PRRX2: variants seen among roughly 807,000 people sequenced by gnomAD.
PRRX2 encodes the protein paired related homeobox 2, also known as paired mesoderm homeobox protein 2.
Under a neutral mutation model 18.0 loss-of-function variants are expected in PRRX2, and 11 were observed. The ratio of observed to expected loss-of-function variants is 0.61; its 90% CI spans 0.39 to 1.01. PRRX2 has a LOEUF of 1.01. Among genes scored for constraint, PRRX2 ranks in the 50% least tolerant of loss-of-function variants. The pLI is 0.01. For synonymous variants in PRRX2, 177 were observed against 154.8 expected, an observed-to-expected ratio of 1.14 and a Z score of -1.06; for missense variants, 387 against 351.0, an observed-to-expected ratio of 1.10 and a Z score of -0.82.
intron 1 of PRRX2, among the ~76,000 whole-genome samples, chr9:129,677,423 C>T (rs867918662): frequency 6.6e-6 from 1 of 152,238 alleles, no homozygotes; most frequent in East Asian, 1.9e-4. Flanking sequence ...CAAGGAGCCG[C>T]GCGGGGTTCT....
rs1395619905 is a variant in PRRX2 at position 129,695,482 on chromosome 9, T to A, written c.260-23749T>A. ...GACCAATGTGCTTCTTTGGTTTGGT[T>A]TTTATACACCCCACAGCCTTGTTGT... On this transcript the variant is annotated intron_variant, in intron 1 of 3. Coordinates refer to ENST00000372469, the MANE Select transcript of PRRX2 (RefSeq NM_016307.4). The surrounding 1 kb of genome is among the most constrained non-coding windows in gnomAD (Gnocchi z 4.8). Among the ~76,000 whole-genome samples the A allele has an allele frequency of 2.6e-5, 4 of 152,142 alleles. No individual in the cohort carries two copies. Among genetic ancestry groups the A allele is most frequent in the Non-Finnish European group, 5.9e-5 (4 of 68,028 alleles).
chr9:129,686,654 G>A (rs3002459), intron 1 of PRRX2, among the ~76,000 whole-genome samples: 2 of 152,158 alleles, frequency 1.3e-5, no homozygotes, highest in African/African-American at 4.8e-5. Context: ...TGGGATTACA[G>A]GCTACAGCCA....
chr9:129,669,303 G>A (rs995652092), intron 1 of PRRX2, among the ~76,000 whole-genome samples: 4 of 152,222 alleles, frequency 2.6e-5, no homozygotes, highest in East Asian at 1.9e-4. Flanking sequence ...AACCAGGGTC[G>A]CGGGTTCCTT....
chr9:129,705,172 C>T (rs560421895), intron 1 of PRRX2, among the ~76,000 whole-genome samples: 1 of 144,882 alleles, frequency 6.9e-6, no homozygotes, highest in African/African-American at 2.6e-5. Context: ...CAGGTGCCCC[C>T]CTCTCTAGAG....
Position 129,675,840 on chromosome 9 carries a change from C to G in PRRX2, c.259+9714C>G, listed in dbSNP as rs1026468178. ...CGCAGCCTCTCTCGCCGCCAGAGCT[C>G]TGCGCGGGCCTCCCGTATAAAACCC... On this transcript the variant is annotated intron_variant, in intron 1 of 3. Transcript: ENST00000372469. The surrounding 1 kb of genome is among the most constrained non-coding windows in gnomAD (Gnocchi z 4.4). Among the ~76,000 whole-genome samples, 1 of 152,240 alleles carries G rather than the reference C, an allele frequency of 6.6e-6. No individual in the cohort carries two copies. The highest frequency in any genetic ancestry group is 2.4e-5 in the African/African-American group (1 of 41,462).
intron 1 of PRRX2, among the ~76,000 whole-genome samples, chr9:129,685,506 T>C (rs1832289961): frequency 6.6e-6 from 1 of 151,936 alleles, no homozygotes; most frequent in African/African-American, 2.4e-5. Flanking sequence ...CTGGGTGACA[T>C]GTGCCACCAC....
rs1300292572 is a variant in PRRX2, at chr9:129,665,839, CG to C, written c.-28del. The stretch of plus-strand genomic sequence containing the variant: ...TCCTGGGACCCGAGCCCGAGACCCC[CG>C]CCGGCCCCCCCGGGGCCGCTCGCGG... On this transcript the variant is annotated 5_prime_UTR_variant, in exon 1 of 4. Coordinates refer to ENST00000372469, the MANE Select transcript of PRRX2 (RefSeq NM_016307.4). The surrounding 1 kb of genome is among the most constrained non-coding windows in gnomAD (Gnocchi z 5.3). 6.8e-6 allele frequency: 7 copies of C among 1,028,202 alleles called. No individual in the cohort carries two copies. Among genetic ancestry groups the C allele is most frequent in the Non-Finnish European group, 7.0e-6 (6 of 860,212 alleles). The allele number at this position is 1,028,202 out of a possible 1,614,324, so 63.7% of individuals were successfully genotyped here. A position where few individuals can be genotyped will look rare whatever the true frequency, so the allele number is the denominator to read the frequency against.
intron 1 of PRRX2, among the ~76,000 whole-genome samples, chr9:129,686,885 G>T (rs1832306077): frequency 6.6e-6 from 1 of 152,330 alleles, no homozygotes; most frequent in East Asian, 1.9e-4. Flanking sequence ...TCCAGCGGGG[G>T]AGTGGGGTCT....
chr9:129,696,970 A>G (rs1771743752), intron 1 of PRRX2, among the ~76,000 whole-genome samples: 1 of 152,094 alleles, frequency 6.6e-6, no homozygotes, highest in African/African-American at 2.4e-5. Context: ...TCGCTGTGTG[A>G]CCTTGGGCGA....
chr9:129,714,197 C>G (rs538442310), intron 1 of PRRX2, among the ~76,000 whole-genome samples: 55 of 151,688 alleles, frequency 3.6e-4, no homozygotes, highest in African/African-American at 1.3e-3. Flanking sequence ...CCCAGCTACT[C>G]GAGAGGCTGA....
intron 1 of PRRX2, among the ~76,000 whole-genome samples, chr9:129,685,093 G>T (rs1588165243): frequency 1.3e-5 from 2 of 152,138 alleles, no homozygotes; most frequent in East Asian, 3.9e-4. Context: ...CATCACTCTG[G>T]CCAGAGTGGG....
chr9:129,680,848 C>T (rs899230742), intron 1 of PRRX2, among the ~76,000 whole-genome samples: 2 of 152,220 alleles, frequency 1.3e-5, no homozygotes, highest in Non-Finnish European at 2.9e-5. Context: ...CAGAAGGAGG[C>T]ATCTTGCTTT....
intron 1 of PRRX2, among the ~76,000 whole-genome samples, chr9:129,701,081 TAG>T (rs1261214065): frequency 2.6e-5 from 4 of 152,190 alleles, no homozygotes; most frequent in Non-Finnish European, 4.4e-5. Flanking sequence ...GTGTTTACAA[TAG>T]AGGAAAATCG....
chr9:129,712,287 G>A (rs1832633881), intron 1 of PRRX2, among the ~76,000 whole-genome samples: 1 of 152,156 alleles, frequency 6.6e-6, no homozygotes, highest in East Asian at 1.9e-4. Flanking sequence ...CTCAGCCCGG[G>A]GGTCAGGCGC....
chr9:129,720,766 C>G lies in PRRX2; in HGVS notation c.618C>G (p.Ser206=), dbSNP rs1832779845. 2 of 1,585,950 alleles carry G rather than the reference C, an allele frequency of 1.3e-6. No homozygotes were observed. Among genetic ancestry groups the G allele is most frequent in the East Asian group, 2.3e-5 (1 of 43,978 alleles). Residue 206 remains serine (S), a synonymous_variant, in exon 3 of 4, where the codon TCC becomes TCG. Transcript: ENST00000372469. ...SPDYLSWTAS[S]PYSTVPPYSP... ...ATTATCTCTCCTGGACAGCCTCGTC[C>G]CCCTACAGGTGAGAGCGGGAACACC...
intron 1 of PRRX2, among the ~76,000 whole-genome samples, chr9:129,706,842 C>T (rs1832563616): frequency 6.6e-6 from 1 of 152,158 alleles, no homozygotes; most frequent in South Asian, 2.1e-4. Context: ...CCAAAAGAAG[C>T]CCTGCACTTT....
At chr9:129,704,413 C>A (rs530915845) in intron 1 of PRRX2, among the ~76,000 whole-genome samples, 5 of 152,200 alleles carry the variant, frequency 3.3e-5, no homozygotes, top group African/African-American at 9.6e-5. Flanking sequence ...TGAGGACACA[C>A]GGGGGCAATT....
chr9:129,670,670 C>T (rs779782184), intron 1 of PRRX2, among the ~76,000 whole-genome samples: 3 of 152,142 alleles, frequency 2.0e-5, no homozygotes, highest in East Asian at 1.9e-4. Flanking sequence ...CCACCGTGCC[C>T]GGCCCTACCT....
chr9:129,684,532 A>ACACACACCCCCC (rs1165343797), intron 1 of PRRX2, among the ~76,000 whole-genome samples: 1 of 140,282 alleles, frequency 7.1e-6, no homozygotes, highest in Non-Finnish European at 1.5e-5. Flanking sequence ...ACCCACACAC[A>ACACACACCCCCC]CCCCAACAGA....
Sources: allele counts gnomAD v4.1 joint callset (sites outside exome capture counted in the v4.1 genomes callset), GRCh38; gene constraint gnomAD v4.1.1; non-coding constraint Gnocchi (gnomAD v3.1); transcripts MANE v1.5; gene names NCBI Gene and HGNC (gene_info 2026-07-23, HGNC 2026-07-21).